Variants in HYAL4 observed in about 807,000 individuals in gnomAD.
The protein encoded by HYAL4 is hyaluronidase-4.
Under a neutral mutation model 35.2 loss-of-function variants are expected in HYAL4, and 37 were observed. The ratio of observed to expected loss-of-function variants is 1.05; its 90% CI spans 0.81 to 1.38. HYAL4 has a LOEUF of 1.38. Ranked by LOEUF, HYAL4 falls within the 40% of genes most tolerant of loss-of-function variation. HYAL4 has a pLI of 0.00. For synonymous variants in HYAL4, 198 were observed against 203.2 expected (o/e 0.97, Z 0.22); for missense variants, 572 against 572.4 (o/e 1.00, Z 0.01).
chr7:123,868,232 A>C lies in HYAL4; in HGVS notation c.-42A>C. Reference sequence around the variant, plus strand: ...TTAAATCTCTCCACAGGTCTTCTAGAGTGCACTAAAGCAGAAGATAACGTA... The same window carrying C: ...TTAAATCTCTCCACAGGTCTTCTAGCGTGCACTAAAGCAGAAGATAACGTA... On this transcript the variant is annotated 5_prime_UTR_variant, in exon 3 of 5. Transcript: ENST00000223026. The C allele has an allele frequency of 9.1e-7, 1 of 1,093,108 alleles. No homozygotes were observed. Among genetic ancestry groups the C allele is most frequent in the Non-Finnish European group, 1.3e-6 (1 of 770,900 alleles). 67.7% of individuals were successfully genotyped at this position (1,093,108 alleles called of 1,614,324 possible).
rs550359289 is a variant in HYAL4, at chr7:123,838,167, C to T, written c.-256-6078C>T. Among the ~76,000 whole-genome samples, 22 of 152,018 alleles carry T rather than the reference C, an allele frequency of 1.4e-4. 1 individual carries two copies. The South Asian group carries it at 4.6e-3, about 32-fold the overall frequency. ...AAAAGCATTCCTATTTCTCCACATC[C>T]TCTCCAGCATGAATCCTGACTCCAG... On this transcript the variant is annotated intron_variant, in intron 1 of 4. Coordinates refer to the HYAL4 transcript ENST00000489978.
At chr7:123,809,934 C>T in the HYAL4 span, among the ~76,000 whole-genome samples, 2 of 152,136 alleles carry the variant, frequency 1.3e-5, no homozygotes, top group East Asian at 3.9e-4. Context: ...GACTAAACCC[C>T]TCAAAGTTAT....
chr7:123,868,448 T>G lies in HYAL4; in HGVS notation c.175T>G (p.Cys59Gly), dbSNP rs541371076. 1.9e-6 allele frequency: 3 copies of G among 1,607,728 alleles called. No homozygotes were observed. Among genetic ancestry groups the G allele is most frequent in the Non-Finnish European group, 1.7e-6 (2 of 1,178,606 alleles). The change falls in exon 3 of 5, where the codon TGT (cysteine) becomes GGT (glycine). Residue 59 changes from cysteine to glycine, a missense_variant. By Grantham distance (159) the Cys-to-Gly change is radical. Coordinates refer to ENST00000223026, the MANE Select transcript of HYAL4 (RefSeq NM_012269.3). ...IAAWNAPTDQ[C>G]LIKYNLRLNL... ...TGCTTGGAATGCTCCAACAGATCAG[T>G]GTTTGATAAAATATAATTTAAGACT...
At chr7:123,789,005 C>G in the HYAL4 span, among the ~76,000 whole-genome samples, 2 of 152,168 alleles carry the variant, frequency 1.3e-5, no homozygotes, top group Non-Finnish European at 2.9e-5. Context: ...ATAGAAATTA[C>G]TTATAGGACT....
chr7:123,799,945 G>C, the HYAL4 span, among the ~76,000 whole-genome samples: 1 of 151,922 alleles, frequency 6.6e-6, no homozygotes, highest in East Asian at 2.0e-4. Flanking sequence ...CTGATTGCTT[G>C]AGCGCAGGAG....
At chr7:123,774,746 G>C in the HYAL4 span, among the ~76,000 whole-genome samples, 3 of 152,026 alleles carry the variant, frequency 2.0e-5, no homozygotes, top group Admixed American at 2.0e-4. Context: ...TCAGTTCCTT[G>C]AACATGTGTT....
upstream of HYAL4, among the ~76,000 whole-genome samples, chr7:123,844,067 G>A (rs1046113057): frequency 1.3e-5 from 2 of 152,000 alleles, no homozygotes; most frequent in Admixed American, 6.6e-5. Flanking sequence ...TCCTTTGGAG[G>A]AGAAAAGGCA....
chr7:123,806,653 T>C, the HYAL4 span, among the ~76,000 whole-genome samples: 1 of 151,770 alleles, frequency 6.6e-6, no homozygotes, highest in Non-Finnish European at 1.5e-5. Context: ...GATTTCTCCA[T>C]GTTGGTCAGG....
At chr7:123,800,216 C>G in the HYAL4 span, among the ~76,000 whole-genome samples, 2 of 149,966 alleles carry the variant, frequency 1.3e-5, no homozygotes, top group Non-Finnish European at 1.5e-5. Context: ...GTCACCCAGG[C>G]CGGAGTGCAG....
At chr7:123,771,804 G>GTT in the HYAL4 span, among the ~76,000 whole-genome samples, 1,364 of 136,710 alleles carry the variant, frequency 1.0e-2, 16 homozygotes, top group African/African-American at 0.032. Context: ...TTGGTTTGAG[G>GTT]TTTTTTTTTT....
the HYAL4 span, among the ~76,000 whole-genome samples, chr7:123,766,800 C>T: frequency 8.6e-3 from 1,308 of 152,184 alleles, 20 homozygotes; most frequent in African/African-American, 0.03. Context: ...TATAAAATAA[C>T]ATATTTCTCC....
the HYAL4 span, among the ~76,000 whole-genome samples, chr7:123,766,139 T>C: frequency 6.6e-6 from 1 of 152,164 alleles, no homozygotes; most frequent in South Asian, 2.1e-4. Flanking sequence ...CTACTACACT[T>C]GGATTTCTAA....
At chr7:123,821,691 T>C in the HYAL4 span, among the ~76,000 whole-genome samples, 1 of 152,220 alleles carries the variant, frequency 6.6e-6, no homozygotes, top group African/African-American at 2.4e-5. Flanking sequence ...CCTGTCCTTT[T>C]GGTGTCATGT....
At chr7:123,819,350 G>C in the HYAL4 span, 1 of 152,594 alleles carries the variant, frequency 6.6e-6, no homozygotes. Context: ...GGAGGACTTA[G>C]TGCATGCAAT....
chr7:123,831,331 G>T (rs1361700778), intron 1 of HYAL4, among the ~76,000 whole-genome samples: 1 of 152,138 alleles, frequency 6.6e-6, no homozygotes, highest in East Asian at 1.9e-4. Flanking sequence ...GAACTTCCCA[G>T]CCTGCATCTT....
chr7:123,843,942 A>C, upstream of HYAL4, among the ~76,000 whole-genome samples: 1 of 151,618 alleles, frequency 6.6e-6, no homozygotes, highest in East Asian at 1.9e-4. Context: ...GGATTCAAAC[A>C]CCCTTCTTTA....
At chr7:123,802,908 ATGAC>A in the HYAL4 span, among the ~76,000 whole-genome samples, 3 of 152,212 alleles carry the variant, frequency 2.0e-5, no homozygotes, top group African/African-American at 7.2e-5. Flanking sequence ...AAAATCTGTC[ATGAC>A]TGACCTTGCT....
At chr7:123,837,864 C>A (rs1244860994) in intron 1 of HYAL4, among the ~76,000 whole-genome samples, 1 of 152,032 alleles carries the variant, frequency 6.6e-6, no homozygotes, top group Non-Finnish European at 1.5e-5. Flanking sequence ...TTTTTTATGG[C>A]TGCATAGTAT....
the HYAL4 span, among the ~76,000 whole-genome samples, chr7:123,813,788 A>G: frequency 1.3e-5 from 2 of 152,304 alleles, no homozygotes; most frequent in Admixed American, 1.3e-4. Flanking sequence ...AGATATGACA[A>G]TCCATTCAGA....
Sources: gnomAD v4.1 joint callset for allele counts (sites outside exome capture counted in the v4.1 genomes callset) on GRCh38, gnomAD v4.1.1 for gene constraint, MANE v1.5 for transcripts, NCBI Gene and HGNC (gene_info 2026-07-23, HGNC 2026-07-21) for gene names.